The following HSD17B12 variants were observed in gnomAD, a reference collection of about 807,000 sequenced individuals.
HSD17B12 encodes the protein hydroxysteroid 17-beta dehydrogenase 12.
HSD17B12 carries 32 observed loss-of-function variants against 39.3 expected under a neutral mutation model. That is an observed-to-expected ratio of 0.81 (90% CI 0.61 to 1.09). The LOEUF is 1.09. Among genes scored for constraint, HSD17B12 ranks in the 50% least tolerant of loss-of-function variants. HSD17B12 has a pLI of 0.00. For synonymous variants in HSD17B12, 150 were observed against 146.7 expected (o/e 1.02, Z -0.16); for missense variants, 342 against 382.9 (o/e 0.89, Z 0.89).
At chr11:43,608,807 C>T in the HSD17B12 span, among the ~76,000 whole-genome samples, 53 of 152,268 alleles carry the variant, frequency 3.5e-4, no homozygotes, top group East Asian at 9.8e-3. Flanking sequence ...TTTCAGAAAA[C>T]TTATTCCAAG....
intron 3 of HSD17B12, among the ~76,000 whole-genome samples, chr11:43,787,235 C>T (rs1950823957): frequency 6.6e-6 from 1 of 152,134 alleles, no homozygotes; most frequent in Non-Finnish European, 1.5e-5. Context: ...AGCCACCTTG[C>T]CTGGCCTTTA....
At chr11:43,634,174 G>C in the HSD17B12 span, among the ~76,000 whole-genome samples, 34 of 143,564 alleles carry the variant, frequency 2.4e-4, no homozygotes, top group African/African-American at 8.5e-4. Context: ...GTAATTTGCA[G>C]ATGAAATTAA....
intron 6 of HSD17B12, among the ~76,000 whole-genome samples, chr11:43,828,112 A>G (rs926856438): frequency 6.6e-6 from 1 of 151,808 alleles, no homozygotes; most frequent in Non-Finnish European, 1.5e-5. Context: ...CTGTTGTAGA[A>G]GCACAATTGT....
chr11:43,752,892 A>G (rs1950478099), intron 2 of HSD17B12, among the ~76,000 whole-genome samples: 1 of 152,144 alleles, frequency 6.6e-6, no homozygotes, highest in South Asian at 2.1e-4. Flanking sequence ...GCAAATCATC[A>G]CCAACCTTTT....
chr11:43,699,324 T>C (rs1949941481), intron 1 of HSD17B12, among the ~76,000 whole-genome samples: 2 of 152,176 alleles, frequency 1.3e-5, no homozygotes, highest in South Asian at 4.1e-4. Flanking sequence ...TTTATTATTC[T>C]CTTTTTTCAT....
At chr11:43,808,657 G>T (rs1057451199) in intron 4 of HSD17B12, among the ~76,000 whole-genome samples, 1 of 152,106 alleles carries the variant, frequency 6.6e-6, no homozygotes, top group Non-Finnish European at 1.5e-5. Flanking sequence ...GTTTTGTAAT[G>T]AAGATCACAT....
rs1427615856 is a variant in HSD17B12, at chr11:43,798,301, G to C, written c.284-19G>C. Reference sequence around the variant, plus strand: ...TAATTTTCCCTGTCTCTCCCCGTTTGTGTTTTCTTTTTCCCTAGAAGAAAA... The same window carrying C: ...TAATTTTCCCTGTCTCTCCCCGTTTCTGTTTTCTTTTTCCCTAGAAGAAAA... On this transcript the variant is annotated intron_variant, in intron 3 of 10. Transcript: ENST00000278353. 6.8e-7 allele frequency: 1 copy of C among 1,465,524 alleles called. No homozygotes were observed. Among genetic ancestry groups the C allele is most frequent in the South Asian group, 1.1e-5 (1 of 87,598 alleles). The allele number at this position is 1,465,524 out of a possible 1,614,324, so 90.8% of individuals were successfully genotyped here.
At chr11:43,557,201 G>A in the HSD17B12 span, among the ~76,000 whole-genome samples, 1 of 152,086 alleles carries the variant, frequency 6.6e-6, no homozygotes, top group African/African-American at 2.4e-5. Flanking sequence ...AGCTGGGTAG[G>A]GGACGCCGTC....
chr11:43,760,443 G>T (rs1950546604), intron 3 of HSD17B12, among the ~76,000 whole-genome samples: 1 of 152,144 alleles, frequency 6.6e-6, no homozygotes, highest in African/African-American at 2.4e-5. Flanking sequence ...CAAACCATGA[G>T]ATTTCTCTTT....
intron 1 of HSD17B12, among the ~76,000 whole-genome samples, chr11:43,695,300 C>T (rs371747096): frequency 9.9e-5 from 15 of 152,098 alleles, no homozygotes; most frequent in African/African-American, 2.7e-4. Flanking sequence ...CTTTATTGGC[C>T]GGGCGTGGTG....
chr11:43,580,073 G>C, the HSD17B12 span, among the ~76,000 whole-genome samples: 1 of 151,826 alleles, frequency 6.6e-6, no homozygotes, highest in Non-Finnish European at 1.5e-5. Context: ...TAATGGGGGG[G>C]GGGAGGGGCA....
At chr11:43,817,964 A>G (rs2135085197) in intron 6 of HSD17B12, among the ~76,000 whole-genome samples, 1 of 152,164 alleles carries the variant, frequency 6.6e-6, no homozygotes, top group East Asian at 1.9e-4. Flanking sequence ...TATTGATTCT[A>G]CCCATCCATG....
chr11:43,576,051 C>T, the HSD17B12 span, among the ~76,000 whole-genome samples: 2 of 151,930 alleles, frequency 1.3e-5, no homozygotes, highest in Admixed American at 6.5e-5. Context: ...AGGGGCTATG[C>T]CCCCCCACCC....
At chr11:43,808,291 T>C (rs1015144754) in intron 4 of HSD17B12, among the ~76,000 whole-genome samples, 3 of 45,046 alleles carry the variant, frequency 6.7e-5, no homozygotes, top group African/African-American at 1.9e-4. Context: ...GGTGCATGGA[T>C]TTTTTTTTTT....
the HSD17B12 span, among the ~76,000 whole-genome samples, chr11:43,672,333 G>C: frequency 1.3e-5 from 2 of 152,132 alleles, no homozygotes; most frequent in Non-Finnish European, 2.9e-5. Flanking sequence ...ACAGGCGTGA[G>C]CCACCGCTCC....
chr11:43,659,594 GA>G, the HSD17B12 span, among the ~76,000 whole-genome samples: 1 of 151,996 alleles, frequency 6.6e-6, no homozygotes, highest in Admixed American at 6.6e-5. Context: ...AAGCATAAAA[GA>G]AAAAAATTGA....
At chr11:43,820,325 T>C (rs1023831331) in intron 6 of HSD17B12, among the ~76,000 whole-genome samples, 2 of 152,206 alleles carry the variant, frequency 1.3e-5, no homozygotes, top group African/African-American at 4.8e-5. Flanking sequence ...GTGTTTTTCT[T>C]ACTTATACTG....
intron 3 of HSD17B12, among the ~76,000 whole-genome samples, chr11:43,794,158 C>T (rs1950895013): frequency 6.6e-6 from 1 of 152,112 alleles, no homozygotes; most frequent in Non-Finnish European, 1.5e-5. Flanking sequence ...TGGGTCATGA[C>T]TATATGTAAC....
At chr11:43,557,853 G>A in the HSD17B12 span, among the ~76,000 whole-genome samples, 1 of 152,108 alleles carries the variant, frequency 6.6e-6, no homozygotes. Flanking sequence ...GCTTTGAGGG[G>A]CTGGTGCTGT....
Sources: gnomAD v4.1 joint callset for allele counts (sites outside exome capture counted in the v4.1 genomes callset) on GRCh38, gnomAD v4.1.1 for gene constraint, MANE v1.5 for transcripts, NCBI Gene and HGNC (gene_info 2026-07-23, HGNC 2026-07-21) for gene names.